Variants in GRID1 observed in about 807,000 individuals in gnomAD.
GRID1 encodes the protein glutamate ionotropic receptor delta type subunit 1.
GRID1 carries 28 observed loss-of-function variants against 98.0 expected under a neutral mutation model. The ratio of observed to expected loss-of-function variants is 0.29; its 90% CI spans 0.21 to 0.39. GRID1 has a LOEUF of 0.39. GRID1 is among the 10% of genes least tolerant of loss of function. GRID1 has a pLI of 1.00. For synonymous variants in GRID1, 553 were observed against 538.5 expected, an observed-to-expected ratio of 1.03 and a Z score of -0.37; for missense variants, 1,111 against 1,340.5, an observed-to-expected ratio of 0.83 and a Z score of 2.67.
chr10:85,874,324 A>G (rs1444450608), intron 5 of GRID1, among the ~76,000 whole-genome samples: 1 of 152,094 alleles, frequency 6.6e-6, no homozygotes, highest in East Asian at 1.9e-4. Context: ...AGTTATAATC[A>G]TATGTGGTAA....
chr10:86,218,638 A>C (rs2492736), intron 2 of GRID1, among the ~76,000 whole-genome samples: 118,597 of 152,164 alleles, frequency 0.78, 46,304 homozygotes, highest in East Asian at 0.9. Flanking sequence ...GCTCACTGTC[A>C]CCTGTTGGCC....
At position 86,038,220 on chromosome 10, in the gene GRID1, C is replaced by A. The variant is rs186366738; in HGVS notation, c.726+100599G>T. Among the ~76,000 whole-genome samples, 86 of 152,196 alleles carry A rather than the reference C, an allele frequency of 5.7e-4. 1 individual carries two copies. The highest frequency in any genetic ancestry group is 3.4e-3 in the Middle Eastern group (1 of 294). ...GGTCTGTGGTGCTTTGATATGGTAG[C>A]CCCAGCACACTGATACTCCCACCGT... On this transcript the variant is annotated intron_variant, in intron 4 of 15. Transcript: ENST00000327946.
intron 8 of GRID1, among the ~76,000 whole-genome samples, chr10:85,740,943 T>A (rs758267084): frequency 7.9e-5 from 12 of 151,908 alleles, no homozygotes; most frequent in Non-Finnish European, 1.5e-4. Flanking sequence ...TAGTAGTGAC[T>A]GCGTTTCACC....
chr10:86,156,247 G>A (rs911234965), intron 3 of GRID1, among the ~76,000 whole-genome samples: 1 of 152,168 alleles, frequency 6.6e-6, no homozygotes, highest in African/African-American at 2.4e-5. Flanking sequence ...TCTTGTTTGG[G>A]GGAATGACTC....
At chr10:85,654,009 G>A (rs536676898) in intron 12 of GRID1, among the ~76,000 whole-genome samples, 10 of 152,302 alleles carry the variant, frequency 6.6e-5, no homozygotes, top group Non-Finnish European at 1.0e-4. Flanking sequence ...AAGCCTAGTC[G>A]GTGTGATTCT....
intron 4 of GRID1, among the ~76,000 whole-genome samples, chr10:85,979,285 A>T (rs1842513254): frequency 6.6e-6 from 1 of 152,132 alleles, no homozygotes; most frequent in African/African-American, 2.4e-5. Context: ...GTGGGACCCA[A>T]GAGTGGTGAG....
chr10:85,746,818 A>G (rs1172704338), intron 8 of GRID1, among the ~76,000 whole-genome samples: 1 of 152,136 alleles, frequency 6.6e-6, no homozygotes, highest in African/African-American at 2.4e-5. Context: ...CATGATGAAT[A>G]TTATATAAAA....
chr10:86,131,168 C>T (rs1844830821), intron 4 of GRID1, among the ~76,000 whole-genome samples: 1 of 152,030 alleles, frequency 6.6e-6, no homozygotes, highest in African/African-American at 2.4e-5. Context: ...CCTCTCATGA[C>T]CCGCCCCCTC....
chr10:85,769,437 C>T (rs940772099), intron 8 of GRID1, among the ~76,000 whole-genome samples: 17 of 152,168 alleles, frequency 1.1e-4, no homozygotes, highest in Non-Finnish European at 2.1e-4. Flanking sequence ...TCTGGGGTAC[C>T]GGGTTCATCT....
intron 12 of GRID1, among the ~76,000 whole-genome samples, chr10:85,665,033 C>T (rs1841004065): frequency 6.6e-6 from 1 of 152,090 alleles, no homozygotes; most frequent in Non-Finnish European, 1.5e-5. Context: ...TATTAAAATG[C>T]AAGTAATTCC....
chr10:86,316,446 C>G (rs922413536), intron 2 of GRID1, among the ~76,000 whole-genome samples: 1 of 152,252 alleles, frequency 6.6e-6, no homozygotes, highest in Non-Finnish European at 1.5e-5. Context: ...CCCCATCAGG[C>G]ACAGCCTGGC....
intron 2 of GRID1, among the ~76,000 whole-genome samples, chr10:86,321,928 C>T (rs1455314984): frequency 6.6e-6 from 1 of 151,942 alleles, no homozygotes; most frequent in Non-Finnish European, 1.5e-5. Flanking sequence ...CCAGAATCAC[C>T]CACCTTATTA....
At chr10:85,647,153 C>G in intron 13 of GRID1, 49 bp downstream of exon 13, 1 of 1,492,756 alleles carries the variant, frequency 6.7e-7, no homozygotes, top group South Asian at 1.2e-5. Flanking sequence ...GGCTGACCAC[C>G]CCGTGGCCCT....
At chr10:85,806,606 CAAAT>C (rs998452201) in intron 8 of GRID1, among the ~76,000 whole-genome samples, 2 of 150,130 alleles carry the variant, frequency 1.3e-5, no homozygotes, top group East Asian at 1.9e-4. Flanking sequence ...AAATGCCACT[CAAAT>C]AAAAAGGAAC....
intron 5 of GRID1, among the ~76,000 whole-genome samples, chr10:85,877,441 T>C (rs1840910689): frequency 6.6e-6 from 1 of 152,060 alleles, no homozygotes; most frequent in East Asian, 1.9e-4. Context: ...CATTTGCGGG[T>C]CACCAAAATC....
intron 8 of GRID1, among the ~76,000 whole-genome samples, chr10:85,733,566 T>A (rs1387609729): frequency 6.6e-6 from 1 of 152,174 alleles, no homozygotes; most frequent in Non-Finnish European, 1.5e-5. Context: ...AACAAATATT[T>A]TTGTATACAA....
At chr10:86,084,030 C>T (rs1844014682) in intron 4 of GRID1, among the ~76,000 whole-genome samples, 1 of 152,232 alleles carries the variant, frequency 6.6e-6, no homozygotes, top group Non-Finnish European at 1.5e-5. Context: ...TGTGCATCCA[C>T]TCCACAAAGA....
intron 8 of GRID1, among the ~76,000 whole-genome samples, chr10:85,845,349 A>G (rs926911031): frequency 1.3e-5 from 2 of 152,188 alleles, no homozygotes; most frequent in Non-Finnish European, 1.5e-5. Context: ...AAATCAAACA[A>G]AAGTTATTCA....
At chr10:85,792,639 G>A (rs532528617) in intron 8 of GRID1, among the ~76,000 whole-genome samples, 29 of 152,256 alleles carry the variant, frequency 1.9e-4, no homozygotes, top group Non-Finnish European at 3.5e-4. Flanking sequence ...AGTGACTGCT[G>A]CAGCTCTGTC....
Sources: gnomAD v4.1 joint callset for allele counts (sites outside exome capture counted in the v4.1 genomes callset) on GRCh38, gnomAD v4.1.1 for gene constraint, MANE v1.5 for transcripts, NCBI Gene and HGNC (gene_info 2026-07-23, HGNC 2026-07-21) for gene names.